MTSS1: variants seen among roughly 807,000 people sequenced by gnomAD.
The protein encoded by MTSS1 is MTSS I-BAR domain containing 1.
A neutral mutation model predicts 79.0 loss-of-function variants in MTSS1; 18 were observed. The observed-to-expected ratio is 0.23, with a 90% CI of 0.16 to 0.34. The LOEUF is 0.34. Among genes scored for constraint, MTSS1 ranks in the 10% least tolerant of loss-of-function variants. The probability of loss-of-function intolerance (pLI) is 1.00; values close to 1 mark genes in which losing one functional copy is unlikely to be tolerated. For missense variants in MTSS1, 815 were observed against 986.2 expected (o/e 0.83, Z 2.33); for synonymous variants, 341 against 368.6 (o/e 0.93, Z 0.86).
chr8:124,555,508 A>C (rs1442271761), intron 13 of MTSS1, among the ~76,000 whole-genome samples: 1 of 152,150 alleles, frequency 6.6e-6, no homozygotes, highest in African/African-American at 2.4e-5. Context: ...GGCCTCCCAA[A>C]GTGCTGGGAT....
At chr8:124,660,908 G>C (rs933286981) in intron 3 of MTSS1, among the ~76,000 whole-genome samples, 1 of 152,086 alleles carries the variant, frequency 6.6e-6, no homozygotes, top group African/African-American at 2.4e-5. Flanking sequence ...CCCAAGGTCC[G>C]AGTGGAACAC....
At chr8:124,610,092 G>A (rs897248496) in intron 3 of MTSS1, among the ~76,000 whole-genome samples, 3 of 152,166 alleles carry the variant, frequency 2.0e-5, no homozygotes, top group African/African-American at 7.2e-5. Flanking sequence ...AGGATATTTA[G>A]ATCAATCCTC....
chr8:124,622,939 C>T (rs1813891489), intron 3 of MTSS1, among the ~76,000 whole-genome samples: 1 of 152,308 alleles, frequency 6.6e-6, no homozygotes. Flanking sequence ...TTCCCTGACC[C>T]GGAAAGTAGG....
chr8:124,568,608 G>A, intron 6 of MTSS1, 72 bp from the exon 7 acceptor site: 6 of 1,601,068 alleles, frequency 3.7e-6, no homozygotes, highest in Non-Finnish European at 5.1e-6. Context: ...CTCCTCCCTG[G>A]GGTCCTTGCT....
chr8:124,553,786 TACAC>T lies in MTSS1; in HGVS notation c.1568-98_1568-95del. ...AGGACAAAAGGCACGCAAGGCAGGGTACACACACAGTCTCATCCCAAGCTTCCCC... is the reference window on the plus strand; with the variant it reads ...AGGACAAAAGGCACGCAAGGCAGGGTACACAGTCTCATCCCAAGCTTCCCC... On this transcript the variant is annotated intron_variant, in intron 13 of 13. Coordinates refer to ENST00000518547, the MANE Select transcript of MTSS1 (RefSeq NM_014751.6). This position sits in a 1 kb window ranked among gnomAD's most constrained non-coding sequence, Gnocchi z 6.0. 1 of 1,110,940 alleles carries T rather than the reference TACAC, an allele frequency of 9.0e-7. No homozygotes were observed. The highest frequency in any genetic ancestry group is 1.3e-6 in the Non-Finnish European group (1 of 785,568). 68.8% of individuals were successfully genotyped at this position (1,110,940 alleles called of 1,614,324 possible).
intron 3 of MTSS1, among the ~76,000 whole-genome samples, chr8:124,660,928 C>T (rs1347857208): frequency 6.6e-6 from 1 of 152,224 alleles, no homozygotes; most frequent in Non-Finnish European, 1.5e-5. Flanking sequence ...CACATACACA[C>T]CCTCCCACGC....
At chr8:124,567,497 C>A in intron 7 of MTSS1, 1 of 860,590 alleles carries the variant, frequency 1.2e-6, no homozygotes, top group Non-Finnish European at 1.7e-6. Flanking sequence ...GATCCTGCAG[C>A]ACAGCCCTCT....
Position 124,551,768 on chromosome 8 carries a change from A to C in MTSS1, c.*1224T>G, listed in dbSNP as rs1200062929. The C allele has an allele frequency of 1.3e-5, 2 of 152,446 alleles. No individual in the cohort carries two copies. The highest frequency in any genetic ancestry group is 1.3e-4 in the Admixed American group (2 of 15,282). 9.4% of individuals were successfully genotyped at this position (152,446 alleles called of 1,614,324 possible). ...AAAAACATTTACCCAGAATACAAAA[A>C]AAGGACAGTATAGTGGTCAGATTCC... On this transcript the variant is annotated 3_prime_UTR_variant, in exon 14 of 14. Coordinates refer to ENST00000518547, the MANE Select transcript of MTSS1 (RefSeq NM_014751.6).
intron 12 of MTSS1, 161 bp downstream of exon 12, chr8:124,556,071 G>A (rs1282471929): frequency 2.6e-6 from 4 of 1,543,422 alleles, no homozygotes; most frequent in East Asian, 2.4e-5. Context: ...TCCCACACAA[G>A]GTTTTTTTCC....
intron 3 of MTSS1, among the ~76,000 whole-genome samples, chr8:124,671,362 C>T (rs977196822): frequency 6.6e-6 from 1 of 152,100 alleles, no homozygotes; most frequent in Non-Finnish European, 1.5e-5. Flanking sequence ...GGACACCATA[C>T]CTCGAATGAT....
At chr8:124,694,120 T>G (rs1203384794) in intron 3 of MTSS1, among the ~76,000 whole-genome samples, 1 of 152,248 alleles carries the variant, frequency 6.6e-6, no homozygotes, top group Non-Finnish European at 1.5e-5. Context: ...CACAGATTTT[T>G]TTTAATGCAT....
At chr8:124,595,733 C>A (rs186807065) in intron 3 of MTSS1, among the ~76,000 whole-genome samples, 5 of 152,190 alleles carry the variant, frequency 3.3e-5, no homozygotes, top group African/African-American at 1.2e-4. Flanking sequence ...GGGGTTAGAA[C>A]GTGGACATCT....
intron 3 of MTSS1, among the ~76,000 whole-genome samples, chr8:124,611,663 C>G (rs1025109595): frequency 7.2e-5 from 11 of 152,140 alleles, no homozygotes; most frequent in African/African-American, 2.4e-4. Context: ...ACAGTGAGAC[C>G]TGGGACCACC....
At chr8:124,648,463 C>G (rs1328726792) in intron 3 of MTSS1, among the ~76,000 whole-genome samples, 1 of 152,096 alleles carries the variant, frequency 6.6e-6, no homozygotes, top group Admixed American at 6.5e-5. Flanking sequence ...TGGAAGCTCA[C>G]TTTGCCCTCT....
At chr8:124,580,641 T>C (rs1487045391) in intron 6 of MTSS1, 4 of 1,481,376 alleles carry the variant, frequency 2.7e-6, no homozygotes, top group Non-Finnish European at 3.6e-6. Context: ...CAAACTGGTA[T>C]TCAAGCAGCA....
chr8:124,674,552 C>T (rs1338846618), intron 3 of MTSS1, among the ~76,000 whole-genome samples: 2 of 152,106 alleles, frequency 1.3e-5, no homozygotes, highest in Non-Finnish European at 2.9e-5. Flanking sequence ...GCCATGTTGG[C>T]TAGGCTGGTC....
intron 2 of MTSS1, among the ~76,000 whole-genome samples, chr8:124,701,712 C>A (rs189937128): frequency 1.4e-3 from 212 of 152,290 alleles, no homozygotes; most frequent in Non-Finnish European, 2.7e-3. Flanking sequence ...GGCGGGTGAT[C>A]AAGTTTGAGG....
At chr8:124,573,217 CCT>C (rs1476589680) in intron 6 of MTSS1, among the ~76,000 whole-genome samples, 2 of 152,244 alleles carry the variant, frequency 1.3e-5, no homozygotes, top group African/African-American at 2.4e-5. Context: ...CTCTCCTCTC[CCT>C]CTCATCCTCC....
At chr8:124,624,654 A>G (rs1220167492) in intron 3 of MTSS1, among the ~76,000 whole-genome samples, 1 of 152,216 alleles carries the variant, frequency 6.6e-6, no homozygotes, top group African/African-American at 2.4e-5. Flanking sequence ...GCTGAGTCTC[A>G]GGTGCCAGGG....
Sources: allele counts gnomAD v4.1 joint callset (sites outside exome capture counted in the v4.1 genomes callset), GRCh38; gene constraint gnomAD v4.1.1; non-coding constraint Gnocchi (gnomAD v3.1); transcripts MANE v1.5; gene names NCBI Gene and HGNC (gene_info 2026-07-23, HGNC 2026-07-21).